The following MTDH variants were observed in gnomAD, a reference collection of about 807,000 sequenced individuals.
MTDH encodes the protein metadherin, also known as protein LYRIC.
In MTDH, 34 loss-of-function variants were observed where a neutral mutation model predicts 72.7. That is an observed-to-expected ratio of 0.47 (90% confidence interval 0.36 to 0.62). MTDH has a LOEUF of 0.62. Ranked by LOEUF, MTDH falls within the 20% of genes least tolerant of loss-of-function variation. MTDH has a pLI of 0.00. For synonymous variants in MTDH, 266 were observed against 268.9 expected (o/e 0.99, Z 0.10); for missense variants, 677 against 699.4 (o/e 0.97, Z 0.36).
At chr8:97,723,353 G>C (rs947597712) in intron 11 of MTDH, among the ~76,000 whole-genome samples, 2 of 146,134 alleles carry the variant, frequency 1.4e-5, no homozygotes, top group African/African-American at 2.5e-5. Context: ...AGCCAAAATC[G>C]TGCCACTGCA....
intron 2 of MTDH, among the ~76,000 whole-genome samples, chr8:97,682,243 TATATATATATATATA>T (rs1813123082): frequency 2.4e-4 from 1 of 4,236 alleles, no homozygotes; most frequent in African/African-American, 1.1e-3. Flanking sequence ...TATATATATA[TATATATATATATATA>T]TATATATATA....
intron 9 of MTDH, among the ~76,000 whole-genome samples, chr8:97,716,326 C>T (rs1297698851): frequency 4.6e-5 from 7 of 151,892 alleles, no homozygotes; most frequent in African/African-American, 1.5e-4. Flanking sequence ...GCGGAGGTTG[C>T]GGTGAGCCAA....
chr8:97,656,421 C>T (rs1224667425), intron 1 of MTDH, among the ~76,000 whole-genome samples: 1 of 150,786 alleles, frequency 6.6e-6, no homozygotes, highest in African/African-American at 2.4e-5. Context: ...TCTCCTGCCT[C>T]AGCCTCCCGA....
At chr8:97,724,137 G>A (rs993026993) in intron 11 of MTDH, among the ~76,000 whole-genome samples, 2 of 152,190 alleles carry the variant, frequency 1.3e-5, no homozygotes, top group African/African-American at 4.8e-5. Flanking sequence ...ATCTATCTCT[G>A]AAGGAGAGAA....
chr8:97,653,445 T>C (rs1259252063), intron 1 of MTDH, among the ~76,000 whole-genome samples: 1 of 152,238 alleles, frequency 6.6e-6, no homozygotes, highest in African/African-American at 2.4e-5. Flanking sequence ...TGCTGAAAAT[T>C]ATAATGACCT....
At chr8:97,716,808 GA>G (rs1472326933) in intron 9 of MTDH, among the ~76,000 whole-genome samples, 3 of 152,224 alleles carry the variant, frequency 2.0e-5, no homozygotes, top group Non-Finnish European at 4.4e-5. Flanking sequence ...GGGCTGAAGG[GA>G]TCCTCCTGCT....
At chr8:97,699,640 C>T in intron 6 of MTDH, 114 bp from the exon 7 acceptor site, 131 of 610,404 alleles carry the variant, frequency 2.1e-4, no homozygotes, top group South Asian at 7.4e-4. Context: ...TGAATTTTTC[C>T]TTTTAGGAGA....
chr8:97,645,218 C>T (rs999154842), intron 1 of MTDH, among the ~76,000 whole-genome samples: 20 of 152,124 alleles, frequency 1.3e-4, no homozygotes, highest in Non-Finnish European at 5.9e-5. Context: ...TTGAGGCCTG[C>T]AGAGTAGGCT....
intron 2 of MTDH, among the ~76,000 whole-genome samples, chr8:97,673,887 A>G (rs1055205685): frequency 6.6e-6 from 1 of 152,000 alleles, no homozygotes; most frequent in African/African-American, 2.4e-5. Flanking sequence ...AGGTAGGAGC[A>G]TTGCTTGAGC....
Position 97,686,764 on chromosome 8 carries a change from A to G in MTDH, c.568+12A>G. On this transcript the variant is annotated intron_variant, in intron 3 of 11. Coordinates refer to ENST00000336273, the MANE Select transcript of MTDH (RefSeq NM_178812.4). ...GGAAGTTGATGAAGGTACTTGAGCAAGGGAAAGGACTGTAGAAAATTTTTT... is the reference window on the plus strand; with the variant it reads ...GGAAGTTGATGAAGGTACTTGAGCAGGGGAAAGGACTGTAGAAAATTTTTT... The G allele has an allele frequency of 6.3e-7, 1 of 1,582,916 alleles. No homozygotes were observed. Among genetic ancestry groups the G allele is most frequent in the Non-Finnish European group, 8.6e-7 (1 of 1,163,690 alleles).
intron 2 of MTDH, among the ~76,000 whole-genome samples, chr8:97,674,889 C>T (rs1178656066): frequency 2.0e-5 from 3 of 152,044 alleles, no homozygotes; most frequent in Non-Finnish European, 2.9e-5. Flanking sequence ...AGGTTCACTG[C>T]AACCTTGCCC....
intron 6 of MTDH, among the ~76,000 whole-genome samples, chr8:97,697,450 A>G (rs887289841): frequency 4.3e-5 from 6 of 140,330 alleles, no homozygotes; most frequent in Non-Finnish European, 9.0e-5. Flanking sequence ...CAGTGGCGCA[A>G]TCTCGGCTCA....
chr8:97,716,636 A>G (rs1019125677), intron 9 of MTDH, among the ~76,000 whole-genome samples: 1 of 151,906 alleles, frequency 6.6e-6, no homozygotes, highest in African/African-American at 2.4e-5. Context: ...GTGCCACTAC[A>G]CTCCAGCCTG....
chr8:97,659,467 A>G (rs1487907468), intron 1 of MTDH, among the ~76,000 whole-genome samples: 1 of 152,250 alleles, frequency 6.6e-6, no homozygotes, highest in Non-Finnish European at 1.5e-5. Flanking sequence ...TTAACCAGCT[A>G]AAAGACAGCT....
intron 2 of MTDH, among the ~76,000 whole-genome samples, chr8:97,680,264 GT>G (rs1586235951): frequency 6.6e-6 from 1 of 152,078 alleles, no homozygotes; most frequent in Admixed American, 6.5e-5. Context: ...TAGAGACACA[GT>G]TTTGCCGTGT....
chr8:97,657,546 C>T (rs1209730857), intron 1 of MTDH, among the ~76,000 whole-genome samples: 2 of 151,534 alleles, frequency 1.3e-5, no homozygotes, highest in Non-Finnish European at 2.9e-5. Context: ...CTTTTTTGCC[C>T]AGGCTAGAGT....
intron 10 of MTDH, 46 bp from the exon 11 acceptor site, chr8:97,722,833 T>G: frequency 6.4e-7 from 1 of 1,560,282 alleles, no homozygotes; most frequent in South Asian, 1.2e-5. Context: ...TAAACTTTAT[T>G]TGAAAATTTC....
At chr8:97,645,458 A>T (rs1433174147) in intron 1 of MTDH, among the ~76,000 whole-genome samples, 1 of 152,178 alleles carries the variant, frequency 6.6e-6, no homozygotes, top group Non-Finnish European at 1.5e-5. Flanking sequence ...TGTTCTGGCA[A>T]ATGTGGCCAA....
intron 7 of MTDH, among the ~76,000 whole-genome samples, chr8:97,701,373 C>A (rs1309710691): frequency 1.3e-5 from 2 of 151,972 alleles, no homozygotes; most frequent in African/African-American, 4.8e-5. Flanking sequence ...GTAACTAATA[C>A]AGTGTAAATA....
Sources: gnomAD v4.1 joint callset for allele counts (sites outside exome capture counted in the v4.1 genomes callset) on GRCh38, gnomAD v4.1.1 for gene constraint, MANE v1.5 for transcripts, NCBI Gene and HGNC (gene_info 2026-07-23, HGNC 2026-07-21) for gene names.